PRKCB: variants seen among roughly 807,000 people sequenced by gnomAD.
The protein encoded by PRKCB is protein kinase C beta type.
Under a neutral mutation model 81.5 loss-of-function variants are expected in PRKCB, and 13 were observed. The ratio of observed to expected loss-of-function variants is 0.16; its 90% CI spans 0.10 to 0.25. PRKCB has a LOEUF of 0.25. PRKCB is among the 10% of genes least tolerant of loss of function. The pLI is 1.00. For missense variants in PRKCB, 509 were observed against 875.7 expected, an observed-to-expected ratio of 0.58 and a Z score of 5.29; for synonymous variants, 335 against 321.4, an observed-to-expected ratio of 1.04 and a Z score of -0.45.
At chr16:23,959,722 A>ACT (rs10628178) in intron 2 of PRKCB, among the ~76,000 whole-genome samples, 147,976 of 152,304 alleles carry the variant, frequency 0.97, 71,914 homozygotes, top group East Asian at 1. Context: ...GCTTTCCATA[A>ACT]CTGTGTTGAA....
At chr16:23,937,547 C>T (rs907218805) in intron 2 of PRKCB, among the ~76,000 whole-genome samples, 6 of 152,164 alleles carry the variant, frequency 3.9e-5, no homozygotes, top group Non-Finnish European at 7.3e-5. Context: ...TGAAAATAGT[C>T]AGATAACCAG....
At chr16:24,006,968 G>T (rs988260205) in intron 3 of PRKCB, among the ~76,000 whole-genome samples, 1 of 152,214 alleles carries the variant, frequency 6.6e-6, no homozygotes, top group African/African-American at 2.4e-5. Context: ...ATAGAGATCA[G>T]GACCTGGGAA....
chr16:24,147,282 T>C (rs1436087792), intron 9 of PRKCB, among the ~76,000 whole-genome samples: 2 of 137,108 alleles, frequency 1.5e-5, no homozygotes, highest in Admixed American at 1.5e-4. Context: ...CACTCCAGCC[T>C]GGGCAACAGA....
At chr16:23,965,761 C>T (rs537491201) in intron 2 of PRKCB, among the ~76,000 whole-genome samples, 38 of 152,304 alleles carry the variant, frequency 2.5e-4, no homozygotes, top group African/African-American at 8.7e-4. Context: ...CAAAGTGCAG[C>T]GCTGATGCCT....
chr16:24,117,973 C>T (rs1256498781), intron 8 of PRKCB, among the ~76,000 whole-genome samples: 16 of 152,222 alleles, frequency 1.1e-4, no homozygotes, highest in African/African-American at 2.9e-4. Flanking sequence ...GCGCTGTGCC[C>T]GCTCCTATAA....
intron 13 of PRKCB, among the ~76,000 whole-genome samples, chr16:24,182,321 C>A (rs1174313487): frequency 2.6e-5 from 4 of 151,928 alleles, no homozygotes; most frequent in Non-Finnish European, 4.4e-5. Flanking sequence ...AAGTTTGAGA[C>A]CAGACTGGAC....
At chr16:23,849,231 G>A (rs1380305373) in intron 2 of PRKCB, among the ~76,000 whole-genome samples, 1 of 152,222 alleles carries the variant, frequency 6.6e-6, no homozygotes, top group Non-Finnish European at 1.5e-5. Context: ...ATAGATTTGT[G>A]ACCATTTCAC....
At chr16:24,049,148 G>A (rs927176130) in intron 5 of PRKCB, among the ~76,000 whole-genome samples, 11 of 145,072 alleles carry the variant, frequency 7.6e-5, no homozygotes, top group Admixed American at 2.8e-4. Flanking sequence ...GTGAGAAGCA[G>A]GTGGATGGAG....
intron 3 of PRKCB, among the ~76,000 whole-genome samples, chr16:23,994,345 G>T (rs1167889729): frequency 6.6e-6 from 1 of 152,208 alleles, no homozygotes; most frequent in Non-Finnish European, 1.5e-5. Context: ...TTCCAGAATG[G>T]ATAATTAGAA....
At chr16:24,158,243 A>T (rs1967193815) in intron 10 of PRKCB, among the ~76,000 whole-genome samples, 1 of 152,068 alleles carries the variant, frequency 6.6e-6, no homozygotes. Flanking sequence ...AATTTAAATT[A>T]TTTTTTCTCA....
At chr16:23,877,486 C>T (rs995240794) in intron 2 of PRKCB, among the ~76,000 whole-genome samples, 1 of 152,208 alleles carries the variant, frequency 6.6e-6, no homozygotes, top group Non-Finnish European at 1.5e-5. Context: ...ATATAAGACT[C>T]CCCAAGAGTA....
chr16:24,118,152 A>G (rs1966756642), intron 8 of PRKCB, among the ~76,000 whole-genome samples: 1 of 152,174 alleles, frequency 6.6e-6, no homozygotes, highest in Non-Finnish European at 1.5e-5. Context: ...CTAGATTTGA[A>G]TCCCAGTTCT....
At chr16:23,865,690 C>A (rs1030598974) in intron 2 of PRKCB, among the ~76,000 whole-genome samples, 1 of 151,120 alleles carries the variant, frequency 6.6e-6, no homozygotes, top group Non-Finnish European at 1.5e-5. Flanking sequence ...CCCCAAGGGG[C>A]TCTTCTTGGG....
intron 16 of PRKCB, among the ~76,000 whole-genome samples, chr16:24,202,044 A>C (rs1967966389): frequency 6.6e-6 from 1 of 152,014 alleles, no homozygotes; most frequent in South Asian, 2.1e-4. Flanking sequence ...TCAAAAAAAA[A>C]AAAAAAGAAA....
At chr16:24,180,726 G>T in intron 12 of PRKCB, 64 bp from the exon 13 acceptor site, 1 of 1,565,248 alleles carries the variant, frequency 6.4e-7, no homozygotes, top group Non-Finnish European at 8.7e-7. Flanking sequence ...ATAATGAGTG[G>T]CTGTTGGTTG....
intron 8 of PRKCB, among the ~76,000 whole-genome samples, chr16:24,117,073 AT>A (rs1339776123): frequency 6.9e-6 from 1 of 145,618 alleles, no homozygotes; most frequent in East Asian, 1.9e-4. Context: ...GTACTTGTTG[AT>A]TTAAAAAAAT....
At chr16:24,119,929 C>T (rs1359827560) in intron 8 of PRKCB, among the ~76,000 whole-genome samples, 1 of 152,100 alleles carries the variant, frequency 6.6e-6, no homozygotes, top group African/African-American at 2.4e-5. Flanking sequence ...TTCACAGCAG[C>T]GTTGTTAGTA....
At chr16:24,057,531 G>A (rs1185805668) in intron 5 of PRKCB, among the ~76,000 whole-genome samples, 1 of 152,180 alleles carries the variant, frequency 6.6e-6, no homozygotes, top group Non-Finnish European at 1.5e-5. Flanking sequence ...CTGGATGGCT[G>A]TAGGAATGAA....
chr16:23,893,424 T>C (rs1024218866), intron 2 of PRKCB: 1 of 152,264 alleles, frequency 6.6e-6, no homozygotes, highest in African/African-American at 2.4e-5. Flanking sequence ...CTAACATTCA[T>C]GTCCTGATTA....
Sources: allele counts gnomAD v4.1 joint callset (sites outside exome capture counted in the v4.1 genomes callset), GRCh38; gene constraint gnomAD v4.1.1; transcripts MANE v1.5; gene names NCBI Gene and HGNC (gene_info 2026-07-23, HGNC 2026-07-21).